SLC22A3: variants seen among roughly 807,000 people sequenced by gnomAD.
The protein encoded by SLC22A3 is solute carrier family 22 member 3.
A neutral mutation model predicts 59.1 loss-of-function variants in SLC22A3; 51 were observed. The observed-to-expected ratio is 0.86, with a 90% CI of 0.69 to 1.09. SLC22A3 has a LOEUF of 1.09. Ranked by LOEUF, SLC22A3 falls within the 50% of genes least tolerant of loss-of-function variation. The pLI is 0.00. For synonymous variants in SLC22A3, 325 were observed against 292.0 expected (o/e 1.11, Z -1.15); for missense variants, 711 against 726.3 (o/e 0.98, Z 0.24).
At chr6:160,439,274 G>A (rs910301661) in intron 7 of SLC22A3, among the ~76,000 whole-genome samples, 1 of 152,064 alleles carries the variant, frequency 6.6e-6, no homozygotes, top group African/African-American at 2.4e-5. Context: ...TTGGTACTTT[G>A]GATATAACAT....
Position 160,451,062 on chromosome 6 carries a change from C to T in SLC22A3, c.*6C>T, listed in dbSNP as rs377076095. ...TTTCCCGCTCTCACCTTTGAGGCCC[C>T]CGACAAAGACAGAAAGAAGGAGCTA... is the stretch of plus-strand genomic sequence containing the variant. On this transcript the variant is annotated 3_prime_UTR_variant, in exon 11 of 11. Coordinates refer to ENST00000275300, the MANE Select transcript of SLC22A3 (RefSeq NM_021977.4). 2.3e-5 allele frequency: 37 copies of T among 1,587,894 alleles called. No individual in the cohort carries two copies. In the African/African-American group the frequency reaches 4.9e-4, roughly 21 times the overall value.
intron 1 of SLC22A3, among the ~76,000 whole-genome samples, chr6:160,368,083 T>C (rs1349721617): frequency 6.6e-6 from 1 of 152,072 alleles, no homozygotes; most frequent in Admixed American, 6.5e-5. Flanking sequence ...ATGTTGAGTG[T>C]CCTGACGTCC....
intron 5 of SLC22A3, among the ~76,000 whole-genome samples, chr6:160,419,324 G>C (rs540117817): frequency 6.6e-6 from 1 of 152,252 alleles, no homozygotes; most frequent in South Asian, 2.1e-4. Context: ...CTTTCAAAGG[G>C]GGATTTTTAT....
chr6:160,446,013 C>T (rs1209452394), intron 9 of SLC22A3, among the ~76,000 whole-genome samples: 2 of 152,064 alleles, frequency 1.3e-5, no homozygotes, highest in African/African-American at 4.8e-5. Context: ...AAAATCAGGA[C>T]AAAGCAAGAG....
intron 10 of SLC22A3, among the ~76,000 whole-genome samples, chr6:160,449,494 T>G (rs1020692580): frequency 6.6e-6 from 1 of 152,222 alleles, no homozygotes; most frequent in Non-Finnish European, 1.5e-5. Flanking sequence ...TTAATTGTGA[T>G]CCATGGTTAT....
chr6:160,371,517 C>T (rs897017754), intron 1 of SLC22A3, among the ~76,000 whole-genome samples: 1 of 152,090 alleles, frequency 6.6e-6, no homozygotes, highest in Non-Finnish European at 1.5e-5. Flanking sequence ...TGAACTCATC[C>T]TTTTTTATGG....
At chr6:160,409,267 C>T (rs1300329029) in intron 4 of SLC22A3, among the ~76,000 whole-genome samples, 3 of 95,370 alleles carry the variant, frequency 3.1e-5, no homozygotes, top group East Asian at 2.8e-4. Flanking sequence ...TGAGAATATG[C>T]GGTGTTTGGT....
chr6:160,403,463 A>C lies in SLC22A3; in HGVS notation c.534-3578A>C, dbSNP rs918656602. Among the ~76,000 whole-genome samples, 13 of 152,046 alleles carry C rather than the reference A, an allele frequency of 8.6e-5. No homozygotes were observed. In the Middle Eastern group the frequency reaches 0.01, roughly 119 times the overall value. On this transcript the variant is annotated intron_variant, in intron 2 of 10. Transcript: ENST00000275300. Reference sequence around the variant, plus strand: ...GATGGGTTCACAGGTGAATTTGCCAAACGTTTAGAGAAGAAACTCTACCAA... The same window carrying C: ...GATGGGTTCACAGGTGAATTTGCCACACGTTTAGAGAAGAAACTCTACCAA...
At chr6:160,423,348 G>T (rs1440261786) in intron 5 of SLC22A3, among the ~76,000 whole-genome samples, 1 of 152,236 alleles carries the variant, frequency 6.6e-6, no homozygotes, top group Non-Finnish European at 1.5e-5. Flanking sequence ...TATATACCCA[G>T]TAATGGGATG....
intron 5 of SLC22A3, among the ~76,000 whole-genome samples, chr6:160,435,820 C>A (rs1336491102): frequency 6.6e-6 from 1 of 152,110 alleles, no homozygotes; most frequent in Non-Finnish European, 1.5e-5. Context: ...ACAGATATGA[C>A]CAGGGCACTT....
intron 2 of SLC22A3, among the ~76,000 whole-genome samples, chr6:160,405,503 T>A (rs1786976201): frequency 6.6e-6 from 1 of 152,158 alleles, no homozygotes; most frequent in South Asian, 2.1e-4. Flanking sequence ...TTCTTACACA[T>A]TTTTGTAATT....
chr6:160,365,039 T>TC (rs1415190335), intron 1 of SLC22A3, among the ~76,000 whole-genome samples: 1 of 149,878 alleles, frequency 6.7e-6, no homozygotes, highest in East Asian at 1.9e-4. Context: ...AAATCAATAA[T>TC]TTTTTTTACT....
intron 5 of SLC22A3, among the ~76,000 whole-genome samples, chr6:160,432,594 T>C (rs907611753): frequency 2.0e-5 from 3 of 151,996 alleles, no homozygotes; most frequent in South Asian, 2.1e-4. Flanking sequence ...AGCCCAGATA[T>C]TTTTTGTATT....
At chr6:160,446,133 G>C (rs1186636309) in intron 9 of SLC22A3, among the ~76,000 whole-genome samples, 1 of 152,234 alleles carries the variant, frequency 6.6e-6, no homozygotes, top group African/African-American at 2.4e-5. Flanking sequence ...GCCCGAGGCA[G>C]GAGGGCACGA....
At chr6:160,367,402 G>C (rs934143139) in intron 1 of SLC22A3, among the ~76,000 whole-genome samples, 2 of 152,216 alleles carry the variant, frequency 1.3e-5, no homozygotes, top group African/African-American at 4.8e-5. Context: ...TAGAATTCAA[G>C]ATGAGATTTG....
intron 2 of SLC22A3, among the ~76,000 whole-genome samples, chr6:160,400,984 G>GAAAAAA (rs58532600): frequency 1.1e-4 from 9 of 78,524 alleles, no homozygotes; most frequent in Admixed American, 1.6e-4. Context: ...CTCCAAAACT[G>GAAAAAA]AAAAAAAAAA....
chr6:160,391,361 A>T (rs959949504), intron 1 of SLC22A3, among the ~76,000 whole-genome samples: 2 of 152,118 alleles, frequency 1.3e-5, no homozygotes, highest in Middle Eastern at 3.2e-3. Flanking sequence ...ATATATATAT[A>T]TTTTATTATC....
At chr6:160,410,127 C>T (rs558695373) in intron 4 of SLC22A3, among the ~76,000 whole-genome samples, 1 of 152,340 alleles carries the variant, frequency 6.6e-6, no homozygotes, top group South Asian at 2.1e-4. Context: ...AGTGCTTCTC[C>T]TGCCTCATCC....
intron 7 of SLC22A3, among the ~76,000 whole-genome samples, chr6:160,439,127 C>T (rs760526472): frequency 4.6e-5 from 7 of 151,928 alleles, no homozygotes; most frequent in African/African-American, 4.8e-5. Flanking sequence ...TATTTAGTAT[C>T]GACTAATTGC....
Sources: gnomAD v4.1 joint callset for allele counts (sites outside exome capture counted in the v4.1 genomes callset) on GRCh38, gnomAD v4.1.1 for gene constraint, MANE v1.5 for transcripts, NCBI Gene and HGNC (gene_info 2026-07-23, HGNC 2026-07-21) for gene names.